Variants in ZNF738 observed in about 807,000 individuals in gnomAD.
ZNF738 encodes protein ZNF738.
ZNF738 carries 10 observed loss-of-function variants against 9.2 expected under a neutral mutation model. That is an observed-to-expected ratio of 1.09 (90% CI 0.67 to 1.85). The LOEUF is 1.85. Among genes scored for constraint, ZNF738 ranks in the 40% most tolerant of loss-of-function variants. The probability of loss-of-function intolerance (pLI) is 0.00; values close to 1 mark genes in which losing one functional copy is unlikely to be tolerated. For synonymous variants in ZNF738, 113 were observed against 94.5 expected (o/e 1.20, Z -1.14); for missense variants, 346 against 283.6 (o/e 1.22, Z -1.58).
chr19:21,386,546 C>CT lies in ZNF738; in HGVS notation c.*2877dup. On this transcript the variant is annotated 3_prime_UTR_variant, in exon 5 of 5. Coordinates refer to ENST00000683779, the MANE Select transcript of ZNF738 (RefSeq NM_001355237.2). ...AAAGCTTTTAACCAGTCCTACAAAC[C>CT]TTTTTGAACAAAATAATTCATACAG... 2 of 357,694 alleles carry CT rather than the reference C, an allele frequency of 5.6e-6. No individual in the cohort carries two copies. Among genetic ancestry groups the CT allele is most frequent in the Non-Finnish European group, 5.7e-6 (1 of 175,164 alleles). 22.2% of individuals were successfully genotyped at this position (357,694 alleles called of 1,614,324 possible).
At chr19:21,364,681 T>C (rs1343147643) in intron 2 of ZNF738, among the ~76,000 whole-genome samples, 1 of 151,772 alleles carries the variant, frequency 6.6e-6, no homozygotes, top group Non-Finnish European at 1.5e-5. Context: ...AATAAGAGAA[T>C]TGCTTACTCC....
chr19:21,384,207 C>G lies in ZNF738; in HGVS notation c.*533C>G. On this transcript the variant is annotated 3_prime_UTR_variant, in exon 5 of 5. Coordinates refer to ENST00000683779, the MANE Select transcript of ZNF738 (RefSeq NM_001355237.2). ...CAAAGCTTTTAACTGGTACTCACGCCTTACTACACATAAGAGAATTCATAC... is the reference window on the plus strand; with the variant it reads ...CAAAGCTTTTAACTGGTACTCACGCGTTACTACACATAAGAGAATTCATAC... 7.1e-7 allele frequency: 1 copy of G among 1,398,784 alleles called. No individual in the cohort carries two copies. Among genetic ancestry groups the G allele is most frequent in the African/African-American group, 1.4e-5 (1 of 70,668 alleles). The allele number at this position is 1,398,784 out of a possible 1,614,324, so 86.6% of individuals were successfully genotyped here. A position where few individuals can be genotyped will look rare whatever the true frequency, so the allele number is the denominator to read the frequency against.
chr19:21,385,067 TTGAC>T lies in ZNF738; in HGVS notation c.*1396_*1399del, dbSNP rs1974051480. On this transcript the variant is annotated 3_prime_UTR_variant, in exon 5 of 5. Transcript: ENST00000683779. Reference sequence around the variant, plus strand: ...CTACCCTTACTAAAGATAAAAGAGTTTGACTGGGTGCGGTGGCTCATGCCTGTAA... The same window carrying T: ...CTACCCTTACTAAAGATAAAAGAGTTTGGGTGCGGTGGCTCATGCCTGTAA... 6.6e-6 allele frequency among the ~76,000 whole-genome samples: 1 copy of T among 152,156 alleles called. No individual in the cohort carries two copies.
chr19:21,364,053 C>G (rs975429012), intron 2 of ZNF738, among the ~76,000 whole-genome samples: 1 of 151,204 alleles, frequency 6.6e-6, no homozygotes, highest in African/African-American at 2.4e-5. Context: ...AAAAATAATC[C>G]AGGCGTAGAG....
chr19:21,381,454 G>C, intron 4 of ZNF738: 1 of 1,391,140 alleles, frequency 7.2e-7, no homozygotes, highest in Non-Finnish European at 1.0e-6. Context: ...CCCTGGTTTG[G>C]ACACCAACTT....
intron 4 of ZNF738, 67 bp downstream of exon 4, chr19:21,376,031 A>G: frequency 1.5e-6 from 1 of 646,878 alleles, no homozygotes; most frequent in Admixed American, 2.5e-5. Context: ...AAAAAAAAGC[A>G]GTCCCTATAA....
intron 4 of ZNF738, chr19:21,378,551 T>A (rs1973964019): frequency 3.5e-6 from 1 of 285,508 alleles, no homozygotes; most frequent in African/African-American, 2.3e-5. Flanking sequence ...TCCTGAAAAA[T>A]TTTTGTTGAG....
At chr19:21,364,963 A>T (rs1482802651) in intron 2 of ZNF738, among the ~76,000 whole-genome samples, 1 of 134,842 alleles carries the variant, frequency 7.4e-6, no homozygotes, top group African/African-American at 2.8e-5. Context: ...TTTCACCGTG[A>T]TGGCCAGGAT....
intron 2 of ZNF738, among the ~76,000 whole-genome samples, chr19:21,362,995 G>A (rs1973719981): frequency 6.6e-6 from 1 of 152,110 alleles, no homozygotes; most frequent in Non-Finnish European, 1.5e-5. Flanking sequence ...TTTTGACAGC[G>A]AATATCTCTG....
intron 4 of ZNF738, chr19:21,382,066 CTTTT>C (rs139193236): frequency 4.4e-5 from 5 of 114,624 alleles, no homozygotes; most frequent in African/African-American, 6.9e-5. Context: ...TTCTTTCTTT[CTTTT>C]TTTTTTTTTT....
At chr19:21,359,814 T>G (rs1162748938) in intron 1 of ZNF738, among the ~76,000 whole-genome samples, 1 of 152,062 alleles carries the variant, frequency 6.6e-6, no homozygotes, top group Non-Finnish European at 1.5e-5. Context: ...GAGGCAGAGC[T>G]TGCAGTGAGC....
At chr19:21,366,342 A>G (rs1326053122) in intron 2 of ZNF738, among the ~76,000 whole-genome samples, 2 of 152,160 alleles carry the variant, frequency 1.3e-5, no homozygotes, top group East Asian at 3.9e-4. Flanking sequence ...CTTGTTTTAG[A>G]GGCTCCTTTA....
chr19:21,382,833 A>AGT (rs1307435795), intron 4 of ZNF738, 33 bp from the exon 5 acceptor site: 2 of 369,642 alleles, frequency 5.4e-6, no homozygotes, highest in Non-Finnish European at 1.1e-5. Flanking sequence ...GAGTCTAGTA[A>AGT]GTGGAGTAAC....
chr19:21,373,252 T>C (rs1001999190), intron 2 of ZNF738, among the ~76,000 whole-genome samples: 2 of 152,216 alleles, frequency 1.3e-5, no homozygotes, highest in African/African-American at 4.8e-5. Flanking sequence ...TTTGCAGAAA[T>C]CTCTTTACTT....
At chr19:21,361,302 G>A (rs1361715607) in intron 1 of ZNF738, among the ~76,000 whole-genome samples, 1 of 148,756 alleles carries the variant, frequency 6.7e-6, no homozygotes, top group Non-Finnish European at 1.5e-5. Context: ...CACCACGCCC[G>A]GCTAATTTTT....
chr19:21,367,147 G>A (rs1973793206), intron 2 of ZNF738, among the ~76,000 whole-genome samples: 1 of 152,260 alleles, frequency 6.6e-6, no homozygotes, highest in Middle Eastern at 3.4e-3. Context: ...GAACACAAAG[G>A]ATGAAGAATT....
chr19:21,359,793 C>G (rs1268346408), intron 1 of ZNF738, among the ~76,000 whole-genome samples: 1 of 152,106 alleles, frequency 6.6e-6, no homozygotes, highest in Non-Finnish European at 1.5e-5. Context: ...AGGAGAATGG[C>G]GTGAACCCAG....
At chr19:21,374,651 C>G (rs1190943626) in intron 2 of ZNF738, among the ~76,000 whole-genome samples, 1 of 152,100 alleles carries the variant, frequency 6.6e-6, no homozygotes, top group Non-Finnish European at 1.5e-5. Context: ...TTGCATATGT[C>G]TATCTTTAGA....
At chr19:21,370,498 T>TA (rs1353837626) in intron 2 of ZNF738, among the ~76,000 whole-genome samples, 5 of 152,222 alleles carry the variant, frequency 3.3e-5, no homozygotes, top group Non-Finnish European at 4.4e-5. Flanking sequence ...AATTCAGCTG[T>TA]AAATTTTTCT....
Sources: allele counts gnomAD v4.1 joint callset (sites outside exome capture counted in the v4.1 genomes callset), GRCh38; gene constraint gnomAD v4.1.1; transcripts MANE v1.5; gene names NCBI Gene and HGNC (gene_info 2026-07-23, HGNC 2026-07-21).